Variants in DGKH observed in about 807,000 individuals in gnomAD.
DGKH encodes DAG kinase eta.
DGKH carries 90 observed loss-of-function variants against 159.3 expected under a neutral mutation model. The observed-to-expected ratio is 0.57, with a 90% CI of 0.48 to 0.67. The LOEUF (loss-of-function observed/expected upper bound fraction) is 0.67, where lower values mean the gene tolerates loss of function less well. DGKH is among the 30% of genes least tolerant of loss of function. The pLI is 0.00. For missense variants in DGKH, 1,181 were observed against 1,506.1 expected (o/e 0.78, Z 3.57); for synonymous variants, 536 against 553.8 (o/e 0.97, Z 0.45).
intron 7 of DGKH, among the ~76,000 whole-genome samples, chr13:42,164,823 A>T (rs1450957924): frequency 6.6e-6 from 1 of 152,216 alleles, no homozygotes; most frequent in African/African-American, 2.4e-5. Flanking sequence ...GGGAAATGTC[A>T]TAAAAGAAAT....
intron 1 of DGKH, among the ~76,000 whole-genome samples, chr13:42,072,021 A>G (rs987715795): frequency 4.6e-5 from 7 of 152,192 alleles, no homozygotes; most frequent in African/African-American, 1.7e-4. Context: ...TGTTTATGTA[A>G]TAGATTCCCA....
chr13:42,188,594 A>G (rs1023372117), intron 14 of DGKH, among the ~76,000 whole-genome samples: 3 of 152,202 alleles, frequency 2.0e-5, no homozygotes, highest in African/African-American at 7.2e-5. Flanking sequence ...TGTGTAATGT[A>G]TAGCAAATTT....
intron 23 of DGKH, 37 bp downstream of exon 23, chr13:42,209,502 G>T: frequency 6.6e-7 from 1 of 1,507,084 alleles, no homozygotes; most frequent in Non-Finnish European, 8.9e-7. Context: ...ATATTGTCAG[G>T]TTTTTAAAGA....
At chr13:42,052,378 C>T (rs529010442) in intron 1 of DGKH, among the ~76,000 whole-genome samples, 2 of 152,238 alleles carry the variant, frequency 1.3e-5, no homozygotes, top group Admixed American at 6.5e-5. Flanking sequence ...TCTGAATAAC[C>T]TAAGTGGAAT....
intron 25 of DGKH, 113 bp downstream of exon 25, chr13:42,214,725 G>A: frequency 3.4e-6 from 3 of 888,516 alleles, no homozygotes; most frequent in Non-Finnish European, 4.8e-6. Flanking sequence ...TTGTCTATAT[G>A]AGTCTCTACA....
chr13:42,083,227 AC>A (rs1283016302), intron 1 of DGKH, among the ~76,000 whole-genome samples: 1 of 152,208 alleles, frequency 6.6e-6, no homozygotes, highest in Non-Finnish European at 1.5e-5. Flanking sequence ...AAAAACAAAA[AC>A]AAAAACACAA....
At chr13:42,124,745 G>C (rs1326842423) in intron 1 of DGKH, among the ~76,000 whole-genome samples, 1 of 152,166 alleles carries the variant, frequency 6.6e-6, no homozygotes, top group Non-Finnish European at 1.5e-5. Flanking sequence ...TAAAAAATGA[G>C]TTGCAATTAT....
At chr13:42,051,411 T>C (rs1474034636) in intron 1 of DGKH, among the ~76,000 whole-genome samples, 1 of 152,190 alleles carries the variant, frequency 6.6e-6, no homozygotes, top group East Asian at 1.9e-4. Context: ...GACTTCATTA[T>C]TTACGTCTTT....
At chr13:42,140,979 G>A (rs1427784724) in intron 3 of DGKH, 1 of 137,410 alleles carries the variant, frequency 7.3e-6, no homozygotes, top group South Asian at 2.5e-4. Context: ...TGTGCACAAC[G>A]TGCAGATTAG....
intron 3 of DGKH, among the ~76,000 whole-genome samples, chr13:42,154,961 A>T (rs1039512527): frequency 2.0e-5 from 3 of 152,196 alleles, no homozygotes; most frequent in African/African-American, 4.8e-5. Flanking sequence ...AAAACTATGT[A>T]TTCCTGCTAA....
intron 1 of DGKH, 87 bp downstream of exon 1, chr13:42,049,052 C>CGGGAAGGCGGGGAAGGCGGGGAAGGCG (rs755795240): frequency 5.5e-6 from 5 of 911,348 alleles, no homozygotes; most frequent in African/African-American, 3.7e-5. Flanking sequence ...CGGGCGATCC[C>CGGGAAGGCGGGGAAGGCGGGGAAGGCG]GGGAAGGCGG....
intron 7 of DGKH, among the ~76,000 whole-genome samples, chr13:42,162,624 T>G (rs1327075131): frequency 6.6e-6 from 1 of 152,042 alleles, no homozygotes; most frequent in Non-Finnish European, 1.5e-5. Flanking sequence ...GCTAACATGG[T>G]GAAACCCCGT....
At chr13:42,132,007 A>G (rs1955299936) in intron 3 of DGKH, among the ~76,000 whole-genome samples, 1 of 152,138 alleles carries the variant, frequency 6.6e-6, no homozygotes, top group Non-Finnish European at 1.5e-5. Flanking sequence ...AAAGAACTTC[A>G]CCAGTCCTAC....
intron 17 of DGKH, among the ~76,000 whole-genome samples, chr13:42,196,198 G>T (rs1289578265): frequency 6.6e-6 from 1 of 152,112 alleles, no homozygotes; most frequent in Non-Finnish European, 1.5e-5. Flanking sequence ...ATGCATTGGT[G>T]GTAGGAATGT....
chr13:42,127,592 A>G lies in DGKH; in HGVS notation c.303+19A>G, dbSNP rs370756160. On this transcript the variant is annotated intron_variant, in intron 2 of 29. Coordinates refer to ENST00000337343, the MANE Select transcript of DGKH (RefSeq NM_178009.5). ...CTCAAAGGTAACTCACGAGAATACT[A>G]GTTTCAAGCAATTGAGGCTATGGAT... The G allele has an allele frequency of 1.2e-6, 2 of 1,606,440 alleles. No homozygotes were observed. The highest frequency in any genetic ancestry group is 2.7e-5 in the African/African-American group (2 of 74,592).
At chr13:42,142,620 T>C (rs1474482903) in intron 3 of DGKH, among the ~76,000 whole-genome samples, 2 of 152,110 alleles carry the variant, frequency 1.3e-5, no homozygotes, top group African/African-American at 2.4e-5. Flanking sequence ...ATGTCCCTTG[T>C]AAGTTGGATT....
intron 1 of DGKH, among the ~76,000 whole-genome samples, chr13:42,092,559 A>G (rs184658494): frequency 2.6e-5 from 4 of 152,268 alleles, no homozygotes; most frequent in Admixed American, 2.0e-4. Context: ...TCTTATTGAG[A>G]TAGAGAGTGG....
At chr13:42,059,833 G>C (rs1396872106) in intron 1 of DGKH, among the ~76,000 whole-genome samples, 1 of 151,268 alleles carries the variant, frequency 6.6e-6, no homozygotes, top group Non-Finnish European at 1.5e-5. Context: ...TTGCCAATTT[G>C]GATGCTATTG....
At position 42,091,205 on chromosome 13, in the gene DGKH, G is replaced by A. The variant is rs143355420; in HGVS notation, c.193-36258G>A. On this transcript the variant is annotated intron_variant, in intron 1 of 29. Transcript: ENST00000337343. ...AAACTAGAAGAACATAGATATGCTC[G>A]TAGAAGAAAACATAGAAGAAAAGCT... Among the ~76,000 whole-genome samples the A allele has an allele frequency of 6.7e-4, 102 of 152,156 alleles. 1 individual carries two copies. The highest frequency in any genetic ancestry group is 2.2e-3 in the African/African-American group (91 of 41,530).
Sources: allele counts gnomAD v4.1 joint callset (sites outside exome capture counted in the v4.1 genomes callset), GRCh38; gene constraint gnomAD v4.1.1; transcripts MANE v1.5; gene names NCBI Gene and HGNC (gene_info 2026-07-23, HGNC 2026-07-21).